Variants in PCCA observed in about 807,000 individuals in gnomAD.
PCCA encodes the protein propionyl-CoA carboxylase subunit alpha.
Under a neutral mutation model 101.3 loss-of-function variants are expected in PCCA, and 74 were observed. That is an observed-to-expected ratio of 0.73 (90% CI 0.61 to 0.89). PCCA has a LOEUF of 0.89. PCCA is among the 40% of genes least tolerant of loss of function. The pLI, the probability that PCCA is intolerant of heterozygous loss-of-function variation, is 0.00. For synonymous variants in PCCA, 294 were observed against 313.6 expected (o/e 0.94, Z 0.66); for missense variants, 891 against 907.0 (o/e 0.98, Z 0.23).
chr13:100,350,853 T>C (rs12583054), intron 18 of PCCA, among the ~76,000 whole-genome samples: 14,779 of 152,230 alleles, frequency 0.097, 895 homozygotes, highest in Middle Eastern at 0.21. Flanking sequence ...ACCATTGCCA[T>C]TGGAGAATTG....
intron 7 of PCCA, among the ~76,000 whole-genome samples, chr13:100,217,689 C>T (rs911655509): frequency 1.3e-5 from 2 of 151,198 alleles, no homozygotes; most frequent in Non-Finnish European, 2.9e-5. Context: ...CCTGTCTCTA[C>T]TAAAAATACA....
At chr13:100,367,112 T>C (rs1027167776) in intron 18 of PCCA, among the ~76,000 whole-genome samples, 2 of 152,212 alleles carry the variant, frequency 1.3e-5, no homozygotes, top group Non-Finnish European at 2.9e-5. Flanking sequence ...TGGTAAATAT[T>C]ACTTCACAAG....
intron 4 of PCCA, among the ~76,000 whole-genome samples, chr13:100,127,761 G>C (rs192122695): frequency 6.6e-6 from 1 of 152,222 alleles, no homozygotes; most frequent in East Asian, 1.9e-4. Flanking sequence ...GCGTGGTGGT[G>C]GGTGCGTGTA....
intron 18 of PCCA, among the ~76,000 whole-genome samples, chr13:100,367,917 C>G (rs1235526854): frequency 6.6e-6 from 1 of 151,626 alleles, no homozygotes; most frequent in Non-Finnish European, 1.5e-5. Flanking sequence ...GAAATCGCAC[C>G]ATTGCACTCC....
chr13:100,090,110 T>C lies in PCCA; in HGVS notation c.105+885T>C, dbSNP rs535657964. On this transcript the variant is annotated intron_variant, in intron 1 of 23. Transcript: ENST00000376285. ...GCTTGTTAAACTTCCTTTTAAAAAA[T>C]AATTATTAAAACATTGCCACATAAC... is the stretch of plus-strand genomic sequence containing the variant. Among the ~76,000 whole-genome samples, 84 of 152,334 alleles carry C rather than the reference T, an allele frequency of 5.5e-4. 1 individual carries two copies. Among genetic ancestry groups the C allele is most frequent in the Middle Eastern group, 3.4e-3 (1 of 294 alleles).
At chr13:100,254,650 C>T (rs746312925) in intron 8 of PCCA, among the ~76,000 whole-genome samples, 5 of 152,146 alleles carry the variant, frequency 3.3e-5, no homozygotes, top group African/African-American at 4.8e-5. Context: ...TCTTTTCCCT[C>T]CTCTTCAGAT....
At chr13:100,410,188 A>G (rs1015879759) in intron 19 of PCCA, among the ~76,000 whole-genome samples, 3 of 152,230 alleles carry the variant, frequency 2.0e-5, no homozygotes, top group Non-Finnish European at 4.4e-5. Flanking sequence ...CTGACTAATT[A>G]TCTATTTTCC....
intron 7 of PCCA, among the ~76,000 whole-genome samples, chr13:100,215,326 T>C (rs1416836885): frequency 6.6e-6 from 1 of 152,236 alleles, no homozygotes; most frequent in Non-Finnish European, 1.5e-5. Flanking sequence ...GTGCTGTTGA[T>C]ATAGTAGTGA....
intron 22 of PCCA, among the ~76,000 whole-genome samples, chr13:100,516,148 T>A (rs1475915665): frequency 6.6e-6 from 1 of 152,240 alleles, no homozygotes; most frequent in Non-Finnish European, 1.5e-5. Context: ...GATGAATTGA[T>A]AGGATGCACA....
At chr13:100,141,295 C>T (rs1057420129) in intron 4 of PCCA, among the ~76,000 whole-genome samples, 1 of 152,200 alleles carries the variant, frequency 6.6e-6, no homozygotes, top group African/African-American at 2.4e-5. Context: ...TGTACTCTTT[C>T]TCTGTTAGTT....
At chr13:100,150,975 G>A (rs34037036) in intron 4 of PCCA, 166,002 of 1,511,738 alleles carry the variant, frequency 0.11, 10,087 homozygotes, top group Middle Eastern at 0.16. Flanking sequence ...TGGGTGGGGC[G>A]GAGAGCCCTG....
chr13:100,469,612 A>G (rs1291094815), intron 21 of PCCA, among the ~76,000 whole-genome samples: 2 of 151,930 alleles, frequency 1.3e-5, no homozygotes, highest in Admixed American at 6.5e-5. Flanking sequence ...CCCCATCTCT[A>G]CTAAAAATAC....
chr13:100,346,491 A>G (rs1369162326), intron 18 of PCCA, among the ~76,000 whole-genome samples: 1 of 152,214 alleles, frequency 6.6e-6, no homozygotes, highest in Admixed American at 6.5e-5. Context: ...TGAGCAAAGA[A>G]ATTTTGCTTA....
chr13:100,505,146 C>T (rs554968156), intron 21 of PCCA, among the ~76,000 whole-genome samples: 157 of 152,274 alleles, frequency 1.0e-3, no homozygotes, highest in African/African-American at 3.6e-3. Context: ...AATAAAAAAG[C>T]CCACCTCATA....
intron 15 of PCCA, among the ~76,000 whole-genome samples, chr13:100,309,302 C>T (rs1020165939): frequency 3.9e-5 from 6 of 152,322 alleles, no homozygotes; most frequent in African/African-American, 9.6e-5. Context: ...GAGGCTGAGG[C>T]GAGAGGATCG....
intron 6 of PCCA, among the ~76,000 whole-genome samples, chr13:100,190,077 T>C (rs763054206): frequency 2.0e-5 from 3 of 152,206 alleles, no homozygotes; most frequent in Non-Finnish European, 2.9e-5. Flanking sequence ...AACTAGAATC[T>C]AGCCTCCTCT....
At position 100,324,039 on chromosome 13, in the gene PCCA, A is replaced by G. The variant is rs2068369304; in HGVS notation, c.1430-6522A>G. Among the ~76,000 whole-genome samples, 2 of 152,204 alleles carry G rather than the reference A, an allele frequency of 1.3e-5. 1 individual carries two copies. The highest frequency in any genetic ancestry group is 4.1e-4 in the South Asian group (2 of 4,828). On this transcript the variant is annotated intron_variant, in intron 16 of 23. Transcript: ENST00000376285. ...CTTCGTAGGTTTCTTATGCAGCATGATGGTACAGATTAGAACCATACAAGA... is the reference window on the plus strand; with the variant it reads ...CTTCGTAGGTTTCTTATGCAGCATGGTGGTACAGATTAGAACCATACAAGA...
intron 18 of PCCA, among the ~76,000 whole-genome samples, chr13:100,347,563 G>C (rs1391605071): frequency 6.6e-6 from 1 of 152,188 alleles, no homozygotes; most frequent in African/African-American, 2.4e-5. Context: ...ACATTCCTTA[G>C]AGATTGTTGA....
At position 100,203,493 on chromosome 13, in the gene PCCA, C is replaced by A. The variant is rs188066565; in HGVS notation, c.469-5839C>A. Among the ~76,000 whole-genome samples the A allele has an allele frequency of 6.3e-3, 956 of 152,050 alleles. 6 individuals carry two copies. The highest frequency in any genetic ancestry group is 9.7e-3 in the Admixed American group (148 of 15,272). ...TCACTTGAGGTCAGGATTTCGAGAC[C>A]AGCTCGGCCAACATGGTGAAACCCT... On this transcript the variant is annotated intron_variant, in intron 6 of 23. Transcript: ENST00000376285.
Sources: gnomAD v4.1 joint callset for allele counts (sites outside exome capture counted in the v4.1 genomes callset) on GRCh38, gnomAD v4.1.1 for gene constraint, MANE v1.5 for transcripts, NCBI Gene and HGNC (gene_info 2026-07-23, HGNC 2026-07-21) for gene names.